The following UBR4 variants were observed in gnomAD, a reference collection of about 807,000 sequenced individuals.
UBR4 encodes ubiquitin protein ligase E3 component n-recognin 4.
Under a neutral mutation model 575.6 loss-of-function variants are expected in UBR4, and 124 were observed. That is an observed-to-expected ratio of 0.22 (90% confidence interval 0.19 to 0.25). The LOEUF (loss-of-function observed/expected upper bound fraction) is 0.25. UBR4 is among the 10% of genes least tolerant of loss of function. The pLI is 1.00. For missense variants in UBR4, 4,818 were observed against 6,478.8 expected, an observed-to-expected ratio of 0.74 and a Z score of 8.80; for synonymous variants, 2,455 against 2,473.7, an observed-to-expected ratio of 0.99 and a Z score of 0.22.
rs902384594 is a variant in UBR4, at chr1:19,123,211, G to A, written c.9589-151C>T. On this transcript the variant is annotated intron_variant, in intron 65 of 105. Transcript: ENST00000375254. ...TCACAGCTGTAATCCCAGCACTTTGGAATGCCGAGGTGGGCTGATCACTTG... is the reference window on the plus strand; with the variant it reads ...TCACAGCTGTAATCCCAGCACTTTGAAATGCCGAGGTGGGCTGATCACTTG... 2.5e-5 allele frequency: 20 copies of A among 809,750 alleles called. No homozygotes were observed. In the African/African-American group the frequency reaches 3.3e-4, roughly 13 times the overall value. 50.2% of individuals were successfully genotyped at this position (809,750 alleles called of 1,614,324 possible).
intron 77 of UBR4, chr1:19,113,375 A>C: frequency 2.9e-6 from 1 of 345,834 alleles, no homozygotes; most frequent in East Asian, 5.8e-5. Flanking sequence ...AGGGAACAGA[A>C]TCTTGGCATC....
At chr1:19,090,869 CG>C (rs2077438106) in intron 97 of UBR4, among the ~76,000 whole-genome samples, 1 of 152,064 alleles carries the variant, frequency 6.6e-6, no homozygotes, top group African/African-American at 2.4e-5. Flanking sequence ...CTGAGGGGAG[CG>C]GATCACCTGA....
At chr1:19,149,103 A>T (rs371167761) in intron 49 of UBR4, among the ~76,000 whole-genome samples, 1 of 152,192 alleles carries the variant, frequency 6.6e-6, no homozygotes, top group Non-Finnish European at 1.5e-5. Context: ...TGGGGGAGAG[A>T]ACAAACTATT....
chr1:19,093,577 A>G lies in UBR4; in HGVS notation c.13938-91T>C. 1 of 1,402,430 alleles carries G rather than the reference A, an allele frequency of 7.1e-7. No individual in the cohort carries two copies. Among genetic ancestry groups the G allele is most frequent in the South Asian group, 1.3e-5 (1 of 75,540 alleles). 86.9% of individuals were successfully genotyped at this position (1,402,430 alleles called of 1,614,324 possible). ...TGGTTAACAACTGTCAACAGCCTAT[A>G]GAAGATCAAGGCTAAATTCCCTAAC... On this transcript the variant is annotated intron_variant, in intron 95 of 105. Coordinates refer to ENST00000375254, the MANE Select transcript of UBR4 (RefSeq NM_020765.3). This position sits in a 1 kb window ranked among gnomAD's most constrained non-coding sequence, Gnocchi z 4.8.
chr1:19,151,967 A>G (rs2150295443), intron 47 of UBR4, 108 bp from the exon 48 acceptor site: 1 of 1,064,246 alleles, frequency 9.4e-7, no homozygotes, highest in Non-Finnish European at 1.3e-6. Flanking sequence ...ATTAAAACTT[A>G]TCCTTTTAAC....
chr1:19,175,708 A>T (rs916290342), intron 20 of UBR4, among the ~76,000 whole-genome samples: 2 of 152,228 alleles, frequency 1.3e-5, no homozygotes, highest in Non-Finnish European at 2.9e-5. Context: ...AGGAAAATTA[A>T]TGACACAGAG....
rs752250115 is a variant in UBR4 at position 19,152,193 on chromosome 1, C to T, written c.6996+120G>A. On this transcript the variant is annotated intron_variant, in intron 47 of 105. Coordinates refer to ENST00000375254, the MANE Select transcript of UBR4 (RefSeq NM_020765.3). The surrounding 1 kb of genome is among the most constrained non-coding windows in gnomAD (Gnocchi z 4.4). ...TTCTAAGGAACCATTTAACTAGAAC[C>T]GAGGGTTGTGACTGTGAGTATATAC... The T allele has an allele frequency of 5.4e-5, 75 of 1,376,778 alleles. No homozygotes were observed. The highest frequency in any genetic ancestry group is 6.9e-5 in the Non-Finnish European group (69 of 1,005,380). The allele number at this position is 1,376,778 out of a possible 1,614,324, so 85.3% of individuals were successfully genotyped here. A position where few individuals can be genotyped will look rare whatever the true frequency, so the allele number is the denominator to read the frequency against.
intron 2 of UBR4, 85 bp from the exon 3 acceptor site, chr1:19,199,839 C>T: frequency 2.5e-6 from 3 of 1,208,866 alleles, no homozygotes; most frequent in Non-Finnish European, 3.6e-6. Flanking sequence ...AGCTCTATGT[C>T]CAACATTCCC....
At chr1:19,129,694 G>C (rs1286747737) in intron 60 of UBR4, among the ~76,000 whole-genome samples, 1 of 152,202 alleles carries the variant, frequency 6.6e-6, no homozygotes, top group Admixed American at 6.5e-5. Flanking sequence ...TTCATCTGCA[G>C]ATATACAGCT....
At chr1:19,197,475 A>T (rs2092529166) in intron 7 of UBR4, among the ~76,000 whole-genome samples, 195 bp downstream of exon 7, 4 of 152,146 alleles carry the variant, frequency 2.6e-5, no homozygotes. Flanking sequence ...CAAAAAATAC[A>T]AAAATTAGCC....
intron 81 of UBR4, among the ~76,000 whole-genome samples, chr1:19,109,258 T>C (rs1282701297): frequency 5.3e-5 from 8 of 152,242 alleles, no homozygotes; most frequent in Non-Finnish European, 8.8e-5. Flanking sequence ...GAAAGAACTA[T>C]GGCCTCCCAA....
At chr1:19,090,449 C>T (rs1387360641) in intron 97 of UBR4, among the ~76,000 whole-genome samples, 2 of 152,184 alleles carry the variant, frequency 1.3e-5, no homozygotes, top group Non-Finnish European at 2.9e-5. Flanking sequence ...CAGCTCTTGC[C>T]ATGCCTCGCC....
chr1:19,110,970 A>C lies in UBR4; in HGVS notation c.11802-138T>G. The stretch of plus-strand genomic sequence containing the variant: ...AAATTTTCTACTTCCTTCCCGGGGC[A>C]AGACTAGAACTTTAGCTTCACAAAA... On this transcript the variant is annotated intron_variant, in intron 78 of 105. Transcript: ENST00000375254. The surrounding 1 kb of genome is among the most constrained non-coding windows in gnomAD (Gnocchi z 4.5). The C allele has an allele frequency of 1.2e-6, 1 of 816,914 alleles. No homozygotes were observed. The highest frequency in any genetic ancestry group is 1.9e-6 in the Non-Finnish European group (1 of 525,838). The allele number at this position is 816,914 out of a possible 1,614,324, so 50.6% of individuals were successfully genotyped here.
intron 68 of UBR4, 77 bp downstream of exon 68, chr1:19,121,112 C>T: frequency 6.5e-7 from 1 of 1,545,290 alleles, no homozygotes; most frequent in Non-Finnish European, 8.7e-7. Flanking sequence ...AGACCTTTTA[C>T]AACAGGACAA....
In UBR4 at chr1:19,077,030, C is replaced by T. The variant is rs1171354098; in HGVS notation, c.15325-128G>A. On this transcript the variant is annotated intron_variant, in intron 104 of 105. Transcript: ENST00000375254. ...CCCAACCTACACCAAAGCATACCAA[C>T]AGGCACCCTAGAGCGTGCGTTTTGT... 8.1e-6 allele frequency: 8 copies of T among 991,540 alleles called. No homozygotes were observed. The East Asian group carries it at 1.6e-4, about 19-fold the overall frequency. 61.4% of individuals were successfully genotyped at this position (991,540 alleles called of 1,614,324 possible).
rs1487885295 is a variant in UBR4 at position 19,176,763 on chromosome 1, C to T, written c.2638-36G>A. 1.9e-6 allele frequency: 3 copies of T among 1,606,156 alleles called. No homozygotes were observed. In the East Asian group the frequency reaches 6.7e-5, roughly 36 times the overall value. ...ACAAATACTGAAATTAAGAAAGATA[C>T]ACAGTCACCATTCAGCTTTTCACTC... is the stretch of plus-strand genomic sequence containing the variant. On this transcript the variant is annotated intron_variant, in intron 19 of 105. Transcript: ENST00000375254.
chr1:19,146,280 A>G (rs1314634412), intron 52 of UBR4, among the ~76,000 whole-genome samples: 2 of 152,220 alleles, frequency 1.3e-5, no homozygotes. Flanking sequence ...GGATTGTAGT[A>G]TTAAAAGGAG....
intron 83 of UBR4, among the ~76,000 whole-genome samples, 194 bp from the exon 84 acceptor site, chr1:19,106,036 G>A (rs1424042804): frequency 6.6e-6 from 1 of 152,224 alleles, no homozygotes; most frequent in Non-Finnish European, 1.5e-5. Context: ...CTGTGAAAGA[G>A]CCCTGCTTCT....
intron 39 of UBR4, among the ~76,000 whole-genome samples, chr1:19,158,706 G>C (rs113399095): frequency 5.9e-5 from 9 of 151,778 alleles, no homozygotes; most frequent in Middle Eastern, 3.4e-3. Flanking sequence ...CAAGTGATTT[G>C]CCCACCTCAG....
Sources: gnomAD v4.1 joint callset for allele counts (sites outside exome capture counted in the v4.1 genomes callset) on GRCh38, gnomAD v4.1.1 for gene constraint, Gnocchi (gnomAD v3.1) non-coding constraint, MANE v1.5 for transcripts, NCBI Gene and HGNC (gene_info 2026-07-23, HGNC 2026-07-21) for gene names.